The following SGCD variants were observed in gnomAD, a reference collection of about 807,000 sequenced individuals.
SGCD encodes delta-sarcoglycan.
Under a neutral mutation model 36.6 loss-of-function variants are expected in SGCD, and 18 were observed. The ratio of observed to expected loss-of-function variants is 0.49; its 90% CI spans 0.34 to 0.73. SGCD has a LOEUF of 0.73. Among genes scored for constraint, SGCD ranks in the 30% least tolerant of loss-of-function variants. The pLI, the probability that SGCD is intolerant of heterozygous loss-of-function variation, is 0.01. For missense variants in SGCD, 387 were observed against 346.7 expected (o/e 1.12, Z -0.92); for synonymous variants, 133 against 130.6 (o/e 1.02, Z -0.12).
chr5:155,762,271 A>G, the SGCD span, among the ~76,000 whole-genome samples: 3 of 152,194 alleles, frequency 2.0e-5, no homozygotes. Context: ...CAGACAAATC[A>G]CAATTGGAAT....
At chr5:155,761,702 C>T in the SGCD span, among the ~76,000 whole-genome samples, 4 of 149,656 alleles carry the variant, frequency 2.7e-5, no homozygotes, top group Non-Finnish European at 5.9e-5. Flanking sequence ...CCATCACCCT[C>T]TCCATCATCT....
chr5:155,918,622 G>A (rs1342701821), intron 1 of SGCD, among the ~76,000 whole-genome samples: 3 of 152,124 alleles, frequency 2.0e-5, no homozygotes, highest in East Asian at 3.8e-4. Context: ...AAACTGTGGG[G>A]CCACATATTT....
chr5:156,194,076 T>C (rs922000098), intron 3 of SGCD, among the ~76,000 whole-genome samples: 1 of 152,218 alleles, frequency 6.6e-6, no homozygotes, highest in African/African-American at 2.4e-5. Context: ...TATTTGGGCA[T>C]TTAATACTGT....
chr5:156,456,783 A>C (rs1754282507), intron 3 of SGCD, among the ~76,000 whole-genome samples: 1 of 152,200 alleles, frequency 6.6e-6, no homozygotes, highest in African/African-American at 2.4e-5. Context: ...TTTTAAGGCC[A>C]CAAGTTGTAG....
intron 3 of SGCD, among the ~76,000 whole-genome samples, chr5:156,293,844 A>T (rs980897008): frequency 6.6e-6 from 1 of 152,140 alleles, no homozygotes; most frequent in African/African-American, 2.4e-5. Context: ...TTCTACTGCA[A>T]GAAAGAAAGA....
At chr5:156,578,429 C>A (rs139288409) in intron 4 of SGCD, among the ~76,000 whole-genome samples, 20,488 of 152,094 alleles carry the variant, frequency 0.13, 1,513 homozygotes, top group Admixed American at 0.18. Flanking sequence ...CTGGCCTCAT[C>A]AAATGAGTTA....
upstream of SGCD, among the ~76,000 whole-genome samples, chr5:155,867,696 G>A (rs1186852979): frequency 6.6e-6 from 1 of 152,182 alleles, no homozygotes; most frequent in Non-Finnish European, 1.5e-5. Context: ...AGCAGCAGTT[G>A]TAGCTGTAGT....
intron 1 of SGCD, among the ~76,000 whole-genome samples, chr5:156,084,412 G>A (rs1761045132): frequency 6.6e-6 from 1 of 152,106 alleles, no homozygotes. Flanking sequence ...TTGGTATATA[G>A]AAATGGGATT....
intron 4 of SGCD, among the ~76,000 whole-genome samples, chr5:156,526,461 A>G (rs1757645103): frequency 6.6e-6 from 1 of 152,176 alleles, no homozygotes; most frequent in Non-Finnish European, 1.5e-5. Flanking sequence ...AGTATTTTCC[A>G]TGCCACTTGC....
At chr5:156,292,875 C>A (rs1276106760) in intron 3 of SGCD, among the ~76,000 whole-genome samples, 4 of 152,012 alleles carry the variant, frequency 2.6e-5, no homozygotes, top group Admixed American at 2.0e-4. Context: ...TTTTCATATG[C>A]TTATTGGCCA....
intron 1 of SGCD, among the ~76,000 whole-genome samples, chr5:156,032,356 G>C (rs1211666514): frequency 6.6e-6 from 1 of 151,764 alleles, no homozygotes; most frequent in Non-Finnish European, 1.5e-5. Context: ...AACTCTTTGA[G>C]TCTTATTCAA....
At chr5:156,241,272 G>T (rs969505629) in intron 3 of SGCD, among the ~76,000 whole-genome samples, 8 of 149,982 alleles carry the variant, frequency 5.3e-5, no homozygotes, top group African/African-American at 2.0e-4. Flanking sequence ...GTGTGTGTGT[G>T]TGTGTGTGTG....
chr5:155,842,379 C>T, the SGCD span, among the ~76,000 whole-genome samples: 1 of 151,450 alleles, frequency 6.6e-6, no homozygotes, highest in Admixed American at 6.6e-5. Flanking sequence ...TAGAGACCAT[C>T]CTGAACAACA....
chr5:156,176,935 A>T (rs917711272), intron 3 of SGCD, among the ~76,000 whole-genome samples: 1 of 152,250 alleles, frequency 6.6e-6, no homozygotes, highest in African/African-American at 2.4e-5. Context: ...ACAAGAATAC[A>T]TACTTCAAAC....
At chr5:155,728,432 C>A in the SGCD span, among the ~76,000 whole-genome samples, 1 of 152,196 alleles carries the variant, frequency 6.6e-6, no homozygotes, top group Admixed American at 6.5e-5. Flanking sequence ...GAAGCACCGG[C>A]GGGGAGGAGG....
At chr5:156,365,369 A>G (rs1561647404) in intron 3 of SGCD, among the ~76,000 whole-genome samples, 2 of 152,202 alleles carry the variant, frequency 1.3e-5, no homozygotes, top group Non-Finnish European at 2.9e-5. Flanking sequence ...TTAGGAAACT[A>G]CATTAATGGA....
At position 156,286,408 on chromosome 5, in the gene SGCD, G is replaced by A. The variant is rs186594444; in HGVS notation, c.-43-43126G>A. Among the ~76,000 whole-genome samples the A allele has an allele frequency of 5.6e-3, 850 of 152,210 alleles. 3 individuals are homozygous for A. Among genetic ancestry groups the A allele is most frequent in the African/African-American group, 0.018 (756 of 41,542 alleles). Reference sequence around the variant, plus strand: ...ATTGTGGCACTATTCACAATAGCAAGGACTTGGAACCACCCCAAATGTCCA... The same window carrying A: ...ATTGTGGCACTATTCACAATAGCAAAGACTTGGAACCACCCCAAATGTCCA... On this transcript the variant is annotated intron_variant, in intron 3 of 9. Coordinates refer to the SGCD transcript ENST00000517913.
chr5:155,825,542 A>G, the SGCD span, among the ~76,000 whole-genome samples: 2 of 152,148 alleles, frequency 1.3e-5, no homozygotes, highest in African/African-American at 4.8e-5. Flanking sequence ...TGGTTCAAGG[A>G]TTTTAAGGTG....
chr5:155,976,669 G>A (rs1758119423), intron 1 of SGCD, among the ~76,000 whole-genome samples: 1 of 152,152 alleles, frequency 6.6e-6, no homozygotes, highest in Non-Finnish European at 1.5e-5. Flanking sequence ...TGTTCACTTA[G>A]TTCCGTTTGT....
Sources: allele counts gnomAD v4.1 joint callset (sites outside exome capture counted in the v4.1 genomes callset), GRCh38; gene constraint gnomAD v4.1.1; transcripts MANE v1.5; gene names NCBI Gene and HGNC (gene_info 2026-07-23, HGNC 2026-07-21).